Variants in C12orf76 observed in about 807,000 individuals in gnomAD.
C12orf76 encodes the protein chromosome 12 open reading frame 76.
In C12orf76, 6 loss-of-function variants were observed where a neutral mutation model predicts 6.8. That is an observed-to-expected ratio of 0.88 (90% CI 0.48 to 1.73). The LOEUF (loss-of-function observed/expected upper bound fraction) is 1.73, where lower values mean the gene tolerates loss of function less well. Among genes scored for constraint, C12orf76 ranks in the 40% most tolerant of loss-of-function variants. The pLI is 0.01. For missense variants in C12orf76, 99 were observed against 98.2 expected, an observed-to-expected ratio of 1.01 and a Z score of -0.03; for synonymous variants, 56 against 43.7, an observed-to-expected ratio of 1.28 and a Z score of -1.11.
At chr12:110,049,425 G>A (rs1364568592), upstream of C12orf76, 1 of 152,318 alleles carries the variant, frequency 6.6e-6, no homozygotes, top group Non-Finnish European at 1.5e-5. Context: ...AGTAAGCAAA[G>A]GGTGGTGGAT....
chr12:110,051,529 C>A (rs536446646), upstream of C12orf76, among the ~76,000 whole-genome samples: 1 of 151,856 alleles, frequency 6.6e-6, no homozygotes, highest in Non-Finnish European at 1.5e-5. Flanking sequence ...TAGGTTGAAG[C>A]GATTCTCCTG....
intron 1 of C12orf76, among the ~76,000 whole-genome samples, chr12:110,042,856 G>C (rs1325295159): frequency 1.3e-5 from 2 of 151,904 alleles, no homozygotes; most frequent in Non-Finnish European, 2.9e-5. Context: ...TCAGGAGTTC[G>C]AGACTAGCCT....
At chr12:110,068,253 G>GAAA (rs764385657), upstream of C12orf76, among the ~76,000 whole-genome samples, 2 of 43,154 alleles carry the variant, frequency 4.6e-5, no homozygotes, top group African/African-American at 2.0e-4. Context: ...GAAGAAAGAA[G>GAAA]AAGAAGAAGA....
At chr12:110,057,946 C>T (rs953128969) in intron 3 of C12orf76, among the ~76,000 whole-genome samples, 7 of 151,600 alleles carry the variant, frequency 4.6e-5, no homozygotes, top group African/African-American at 1.7e-4. Context: ...CGCCTATAAT[C>T]CCAGCTACTC....
chr12:110,061,004 A>G (rs1306566517), intron 2 of C12orf76, among the ~76,000 whole-genome samples: 2 of 150,688 alleles, frequency 1.3e-5, no homozygotes, highest in Admixed American at 1.3e-4. Context: ...AACTGCCCTC[A>G]TATCCCTTAG....
chr12:110,047,947 T>C (rs1024842391), intron 1 of C12orf76, among the ~76,000 whole-genome samples: 5 of 152,054 alleles, frequency 3.3e-5, no homozygotes, highest in Non-Finnish European at 5.9e-5. Flanking sequence ...TTGCAGTTCA[T>C]TCATGGGCAA....
chr12:110,043,760 CAGG>C (rs1321939412), intron 1 of C12orf76, among the ~76,000 whole-genome samples: 1 of 151,606 alleles, frequency 6.6e-6, no homozygotes, highest in African/African-American at 2.4e-5. Flanking sequence ...GAGGCTGAGG[CAGG>C]AGAATTGCTT....
At chr12:110,061,296 G>A (rs1232060541) in intron 2 of C12orf76, among the ~76,000 whole-genome samples, 1 of 151,862 alleles carries the variant, frequency 6.6e-6, no homozygotes, top group Non-Finnish European at 1.5e-5. Flanking sequence ...CCAGAAACAT[G>A]GCACACTCCT....
At chr12:110,072,038 CA>C (rs1892965478), upstream of C12orf76, among the ~76,000 whole-genome samples, 1 of 151,698 alleles carries the variant, frequency 6.6e-6, no homozygotes, top group African/African-American at 2.4e-5. Context: ...TCATGATAGC[CA>C]AAAAAGAGAA....
At chr12:110,051,761 C>A (rs1201715737), upstream of C12orf76, among the ~76,000 whole-genome samples, 1 of 151,838 alleles carries the variant, frequency 6.6e-6, no homozygotes, top group Non-Finnish European at 1.5e-5. Context: ...AACATGGACC[C>A]TCATGGATAG....
chr12:110,058,942 A>G, intron 3 of C12orf76: 6 of 1,480,488 alleles, frequency 4.1e-6, no homozygotes, highest in Non-Finnish European at 5.4e-6. Context: ...CCCCACCAAA[A>G]AAATGAAAAC....
chr12:110,063,530 T>G (rs539154214), intron 2 of C12orf76, among the ~76,000 whole-genome samples: 199 of 151,816 alleles, frequency 1.3e-3, no homozygotes, highest in African/African-American at 4.6e-3. Flanking sequence ...CCTCAAGTGA[T>G]CCACCTGCCT....
chr12:110,068,308 A>T (rs908240968), upstream of C12orf76, among the ~76,000 whole-genome samples: 2 of 146,068 alleles, frequency 1.4e-5, no homozygotes, highest in African/African-American at 2.5e-5. Context: ...GAAGAAGAAG[A>T]AGAAGAAGAA....
exon 1 of C12orf76, chr12:110,073,502 C>G (rs1168340403): frequency 7.7e-6 from 4 of 521,602 alleles, no homozygotes; most frequent in Non-Finnish European, 1.5e-5. Flanking sequence ...CTTTGTTTGT[C>G]TCATACAGGA....
chr12:110,063,939 C>T (rs991455854), intron 2 of C12orf76, among the ~76,000 whole-genome samples: 1 of 152,108 alleles, frequency 6.6e-6, no homozygotes, highest in Non-Finnish European at 1.5e-5. Context: ...AACAAACAAA[C>T]AAACCAATGA....
At chr12:110,067,534 C>G in exon 1 of C12orf76, 1 of 985,546 alleles carries the variant, frequency 1.0e-6, no homozygotes, top group South Asian at 4.7e-5. Context: ...CAGGATCTTC[C>G]TTCCTAAGGA....
At chr12:110,042,644 G>A (rs1256282471) in intron 1 of C12orf76, 185 bp from the exon 2 acceptor site, 5 of 700,984 alleles carry the variant, frequency 7.1e-6, no homozygotes, top group East Asian at 5.4e-5. Context: ...ACAAACAGAT[G>A]AGAGCATTTC....
At chr12:110,059,057 C>G (rs1892724864) in exon 3 of C12orf76, 7 of 1,551,604 alleles carry the variant, frequency 4.5e-6, no homozygotes, top group Non-Finnish European at 6.1e-6. Flanking sequence ...ACATGGTAAA[C>G]AGCAGCGCCA....
intron 1 of C12orf76, among the ~76,000 whole-genome samples, chr12:110,043,304 G>A (rs955757895): frequency 6.6e-6 from 1 of 151,954 alleles, no homozygotes; most frequent in South Asian, 2.1e-4. Flanking sequence ...AAGAAAACAC[G>A]GATTTTAAGT....
Sources: gnomAD v4.1 joint callset for allele counts (sites outside exome capture counted in the v4.1 genomes callset) on GRCh38, gnomAD v4.1.1 for gene constraint, MANE v1.5 for transcripts, NCBI Gene and HGNC (gene_info 2026-07-23, HGNC 2026-07-21) for gene names.